Variants in MAPKAPK3 observed in about 807,000 individuals in gnomAD.
The protein encoded by MAPKAPK3 is MAPK activated protein kinase 3, also known as MAP kinase-activated protein kinase 3.
MAPKAPK3 carries 35 observed loss-of-function variants against 49.2 expected under a neutral mutation model. That is an observed-to-expected ratio of 0.71 (90% CI 0.54 to 0.94). The LOEUF is 0.94. Ranked by LOEUF, MAPKAPK3 falls within the 40% of genes least tolerant of loss-of-function variation. The pLI is 0.00. For missense variants in MAPKAPK3, 398 were observed against 493.1 expected (o/e 0.81, Z 1.83); for synonymous variants, 178 against 188.7 (o/e 0.94, Z 0.46).
chr3:50,627,808 C>T lies in MAPKAPK3; in HGVS notation c.219+10024C>T, dbSNP rs74559203. On this transcript the variant is annotated intron_variant, in intron 2 of 10. Transcript: ENST00000621469. ...GTGCCTTGGGAGTCCTCTGGCTGAACGTGAGCAGGAGGGGAGAGGGGCCAG... is the reference window on the plus strand; with the variant it reads ...GTGCCTTGGGAGTCCTCTGGCTGAATGTGAGCAGGAGGGGAGAGGGGCCAG... Among the ~76,000 whole-genome samples, 183 of 152,196 alleles carry T rather than the reference C, an allele frequency of 1.2e-3. 1 individual carries two copies. In the Middle Eastern group the frequency reaches 0.041, roughly 34 times the overall value.
rs2033270322 is a variant in MAPKAPK3, at chr3:50,645,565, C to A, written c.629-145C>A. 1.3e-5 allele frequency: 8 copies of A among 631,066 alleles called. No individual in the cohort carries two copies. The Admixed American group carries it at 2.3e-4, about 18-fold the overall frequency. 39.1% of individuals were successfully genotyped at this position (631,066 alleles called of 1,614,324 possible). A position where few individuals can be genotyped will look rare whatever the true frequency, so the allele number is the denominator to read the frequency against. On this transcript the variant is annotated intron_variant, in intron 6 of 10. Coordinates refer to ENST00000621469, the MANE Select transcript of MAPKAPK3 (RefSeq NM_001243925.2). ...TCCCCCAACTTCACACACATGCTGC[C>A]TTTCCAAAAGGTGCCAGACGCCAGT...
At chr3:50,645,051 A>C (rs1245291331) in intron 6 of MAPKAPK3, among the ~76,000 whole-genome samples, 1 of 152,122 alleles carries the variant, frequency 6.6e-6, no homozygotes, top group Non-Finnish European at 1.5e-5. Flanking sequence ...GGATCTGAAA[A>C]TGTTCCTTGC....
At chr3:50,627,626 C>G (rs1456959038) in intron 2 of MAPKAPK3, among the ~76,000 whole-genome samples, 1 of 152,124 alleles carries the variant, frequency 6.6e-6, no homozygotes, top group Non-Finnish European at 1.5e-5. Context: ...GAGTCACTGC[C>G]GCCTAGTCTC....
chr3:50,642,986 G>A (rs1363017320), intron 5 of MAPKAPK3, among the ~76,000 whole-genome samples: 1 of 152,150 alleles, frequency 6.6e-6, no homozygotes, highest in African/African-American at 2.4e-5. Context: ...CAAGTAGCTG[G>A]GACTACAGGC....
chr3:50,648,386 G>A lies in MAPKAPK3; in HGVS notation c.*340G>A, dbSNP rs1576019096. 1 of 195,572 alleles carries A rather than the reference G, an allele frequency of 5.1e-6. No homozygotes were observed. The highest frequency in any genetic ancestry group is 1.3e-4 in the East Asian group (1 of 7,980). The allele number at this position is 195,572 out of a possible 1,614,324, so 12.1% of individuals were successfully genotyped here. On this transcript the variant is annotated 3_prime_UTR_variant, in exon 11 of 11. Coordinates refer to ENST00000621469, the MANE Select transcript of MAPKAPK3 (RefSeq NM_001243925.2). ...TCTAGGCCACTGGGAGTTGTGGCTG[G>A]GCTTCCCATCTTCCACAGAGACATC...
rs386396609 is a variant in MAPKAPK3 at position 50,635,406 on chromosome 3, CTTTTTTTTTTT to C, written c.220-4941_220-4931del. Among the ~76,000 whole-genome samples, 31 of 48,632 alleles carry C rather than the reference CTTTTTTTTTTT, an allele frequency of 6.4e-4. 1 individual carries two copies. In the Admixed American group the frequency reaches 9.3e-3, roughly 15 times the overall value. 31.9% of individuals were successfully genotyped at this position (48,632 alleles called of 152,430 possible). On this transcript the variant is annotated intron_variant, in intron 2 of 10. Transcript: ENST00000621469. ...CTCACTGGGGCCTCCTCAATTTAAT[CTTTTTTTTTTT>C]TTTTTTTTTTTTTTTTTTGAGATGG...
At chr3:50,617,112 T>TGGGGGGGGGGGGGG, upstream of MAPKAPK3, 1 of 4,428 alleles carries the variant, frequency 2.3e-4, no homozygotes, top group East Asian at 7.4e-3. Flanking sequence ...GAGGGGGGGG[T>TGGGGGGGGGGGGGG]GGGGAGGGGG....
chr3:50,640,279 A>T, intron 2 of MAPKAPK3, 87 bp from the exon 3 acceptor site: 1 of 1,358,848 alleles, frequency 7.4e-7, no homozygotes, highest in Non-Finnish European at 1.0e-6. Flanking sequence ...GGGGCAGGTC[A>T]CAGGCCTCAG....
intron 2 of MAPKAPK3, among the ~76,000 whole-genome samples, chr3:50,639,194 T>C (rs916003103): frequency 2.6e-5 from 4 of 152,234 alleles, no homozygotes; most frequent in African/African-American, 9.6e-5. Context: ...TCTGCTATTA[T>C]ACCATTTTAC....
upstream of MAPKAPK3, among the ~76,000 whole-genome samples, chr3:50,614,802 A>C (rs535839524): frequency 1.3e-5 from 2 of 152,282 alleles, no homozygotes; most frequent in East Asian, 3.9e-4. Context: ...CGATGGACCC[A>C]TGTGGGGAAT....
intron 5 of MAPKAPK3, among the ~76,000 whole-genome samples, chr3:50,643,548 G>A (rs2033223078): frequency 6.6e-6 from 1 of 152,136 alleles, no homozygotes; most frequent in Admixed American, 6.5e-5. Flanking sequence ...GCTGCATAAG[G>A]TCCTCCCTCT....
At chr3:50,611,850 TA>T, upstream of MAPKAPK3, 1 of 625,546 alleles carries the variant, frequency 1.6e-6, no homozygotes, top group South Asian at 3.0e-5. Context: ...AGCTGCTGCC[TA>T]ATCCTTTGTC....
upstream of MAPKAPK3, among the ~76,000 whole-genome samples, chr3:50,614,312 T>A (rs891394532): frequency 6.6e-6 from 1 of 152,090 alleles, no homozygotes; most frequent in Non-Finnish European, 1.5e-5. Context: ...CATAGATTCT[T>A]CTCTTCTAGG....
chr3:50,646,383 C>A, intron 8 of MAPKAPK3, 119 bp downstream of exon 8: 1 of 1,353,356 alleles, frequency 7.4e-7, no homozygotes, highest in African/African-American at 1.5e-5. Flanking sequence ...CTCTTTCCAG[C>A]TATGGGACCC....
At chr3:50,638,940 A>G (rs2033107454) in intron 2 of MAPKAPK3, among the ~76,000 whole-genome samples, 1 of 152,252 alleles carries the variant, frequency 6.6e-6, no homozygotes, top group African/African-American at 2.4e-5. Flanking sequence ...ACACAGTGTC[A>G]CAGATGGTCC....
At chr3:50,633,564 T>C (rs2032965866) in intron 2 of MAPKAPK3, among the ~76,000 whole-genome samples, 1 of 152,196 alleles carries the variant, frequency 6.6e-6, no homozygotes, top group Admixed American at 6.5e-5. Flanking sequence ...CTGCTCCAAC[T>C]TGGGGCCACC....
chr3:50,623,468 G>A (rs2032659925), intron 2 of MAPKAPK3, among the ~76,000 whole-genome samples: 1 of 152,166 alleles, frequency 6.6e-6, no homozygotes, highest in Non-Finnish European at 1.5e-5. Flanking sequence ...ACCTCTGCTG[G>A]GGCTTCTAGG....
chr3:50,642,699 C>G (rs6771348), intron 5 of MAPKAPK3, among the ~76,000 whole-genome samples: 132,284 of 152,044 alleles, frequency 0.87, 59,270 homozygotes, highest in Non-Finnish European at 0.99. Context: ...CTCAGAAAAA[C>G]ATTAAGTGAC....
At chr3:50,611,905 C>T, upstream of MAPKAPK3, 1 of 483,830 alleles carries the variant, frequency 2.1e-6, no homozygotes, top group Non-Finnish European at 3.4e-6. Context: ...TTCCTAGAAC[C>T]GCGGGCTGAG....
Sources: allele counts gnomAD v4.1 joint callset (sites outside exome capture counted in the v4.1 genomes callset), GRCh38; gene constraint gnomAD v4.1.1; transcripts MANE v1.5; gene names NCBI Gene and HGNC (gene_info 2026-07-23, HGNC 2026-07-21).